Variants in TPD52 observed in about 807,000 individuals in gnomAD.
TPD52 encodes the protein tumor protein D52.
In TPD52, 17 loss-of-function variants were observed where a neutral mutation model predicts 31.3. The ratio of observed to expected loss-of-function variants is 0.54; its 90% CI spans 0.37 to 0.82. The LOEUF (loss-of-function observed/expected upper bound fraction) is 0.82, where lower values mean the gene tolerates loss of function less well. Among genes scored for constraint, TPD52 ranks in the 40% least tolerant of loss-of-function variants. The pLI is 0.00. For missense variants in TPD52, 212 were observed against 240.1 expected, an observed-to-expected ratio of 0.88 and a Z score of 0.77; for synonymous variants, 83 against 89.6, an observed-to-expected ratio of 0.93 and a Z score of 0.42.
chr8:80,057,189 A>T (rs1276363749), intron 2 of TPD52, among the ~76,000 whole-genome samples: 2 of 152,138 alleles, frequency 1.3e-5, no homozygotes, highest in Admixed American at 1.3e-4. Flanking sequence ...AGCAACAATA[A>T]AAAGAAAACA....
chr8:80,160,735 G>A (rs1398271030), intron 1 of TPD52, among the ~76,000 whole-genome samples: 1 of 151,996 alleles, frequency 6.6e-6, no homozygotes, highest in Non-Finnish European at 1.5e-5. Flanking sequence ...CCTAGGCTCA[G>A]AATGCATTAG....
intron 1 of TPD52, among the ~76,000 whole-genome samples, chr8:80,072,233 G>A (rs1006948433): frequency 6.6e-6 from 1 of 152,088 alleles, no homozygotes; most frequent in Non-Finnish European, 1.5e-5. Context: ...TCCTGAACTC[G>A]GGAGGCAGAG....
intron 1 of TPD52, among the ~76,000 whole-genome samples, chr8:80,098,118 T>C (rs1188513366): frequency 6.6e-6 from 1 of 152,242 alleles, no homozygotes; most frequent in Non-Finnish European, 1.5e-5. Flanking sequence ...TAAAGATTTC[T>C]TTTCCAAATA....
Position 80,167,194 on chromosome 8 carries a change from C to T in TPD52, c.19+4231G>A, listed in dbSNP as rs1811772236. Among the ~76,000 whole-genome samples, 5 of 152,176 alleles carry T rather than the reference C, an allele frequency of 3.3e-5. No individual in the cohort carries two copies. In the South Asian group the frequency reaches 1.0e-3, roughly 32 times the overall value. ...AATTATGGTTTCAGTACAGCTGGTA[C>T]CCACTAGTTTAAATAAAATTTGGGA... On this transcript the variant is annotated intron_variant, in intron 1 of 7. Transcript: ENST00000518937.
At chr8:80,057,786 ATG>A (rs1812061114) in intron 2 of TPD52, among the ~76,000 whole-genome samples, 1 of 152,192 alleles carries the variant, frequency 6.6e-6, no homozygotes, top group South Asian at 2.1e-4. Context: ...AAACCCGCAC[ATG>A]TACCCCCTGA....
intron 1 of TPD52, among the ~76,000 whole-genome samples, chr8:80,152,700 G>C (rs1436999972): frequency 1.3e-5 from 2 of 151,490 alleles, no homozygotes; most frequent in African/African-American, 4.9e-5. Flanking sequence ...AGAATCACTT[G>C]AATCTTGGGG....
intron 2 of TPD52, among the ~76,000 whole-genome samples, chr8:80,053,685 C>G (rs990252279): frequency 2.6e-5 from 4 of 152,062 alleles, no homozygotes; most frequent in African/African-American, 9.7e-5. Context: ...TCCTCTCTCC[C>G]TATACTTCCT....
chr8:80,082,495 T>C (rs938431842), intron 1 of TPD52, among the ~76,000 whole-genome samples: 1 of 152,312 alleles, frequency 6.6e-6, no homozygotes, highest in Admixed American at 6.5e-5. Context: ...ACGGATAGAA[T>C]GCAAGCCACA....
intron 1 of TPD52, among the ~76,000 whole-genome samples, chr8:80,101,980 G>C (rs1363798683): frequency 6.6e-6 from 1 of 152,206 alleles, no homozygotes; most frequent in Non-Finnish European, 1.5e-5. Context: ...GAGAAAGAGA[G>C]TGCATGCAAC....
At chr8:80,109,336 T>A (rs146128178) in intron 1 of TPD52, among the ~76,000 whole-genome samples, 44 of 152,336 alleles carry the variant, frequency 2.9e-4, no homozygotes, top group African/African-American at 9.1e-4. Flanking sequence ...CTATTCTTAC[T>A]GCACTTACAT....
chr8:80,057,580 T>C (rs1054677306), intron 2 of TPD52, among the ~76,000 whole-genome samples: 5 of 152,104 alleles, frequency 3.3e-5, no homozygotes, highest in African/African-American at 9.7e-5. Context: ...GAAAACCAAA[T>C]ACCACATGTT....
downstream of TPD52, among the ~76,000 whole-genome samples, chr8:80,032,019 G>A (rs911051808): frequency 6.6e-6 from 1 of 152,052 alleles, no homozygotes; most frequent in African/African-American, 2.4e-5. Context: ...TGGGCGTGAT[G>A]ACACATGGCT....
At chr8:80,137,830 TG>T (rs1809542554) in intron 1 of TPD52, among the ~76,000 whole-genome samples, 1 of 152,142 alleles carries the variant, frequency 6.6e-6, no homozygotes, top group Non-Finnish European at 1.5e-5. Flanking sequence ...TCCAGCACTT[TG>T]GGAGGCCAAG....
chr8:80,074,792 G>A (rs1037819004), intron 1 of TPD52, among the ~76,000 whole-genome samples: 3 of 152,140 alleles, frequency 2.0e-5, no homozygotes, highest in Admixed American at 2.0e-4. Flanking sequence ...GACAACTTTA[G>A]ATTCTTAAGG....
At chr8:80,105,719 C>G (rs1193758881) in intron 1 of TPD52, among the ~76,000 whole-genome samples, 1 of 146,202 alleles carries the variant, frequency 6.8e-6, no homozygotes, top group Non-Finnish European at 1.5e-5. Flanking sequence ...TTACACCCAT[C>G]CCAGGTCTGC....
intron 1 of TPD52, among the ~76,000 whole-genome samples, chr8:80,136,568 A>G (rs1171952251): frequency 6.6e-6 from 1 of 150,628 alleles, no homozygotes. Context: ...AGTGCTCACC[A>G]TTAGAACATG....
At chr8:80,129,035 A>G (rs1030147920) in intron 1 of TPD52, among the ~76,000 whole-genome samples, 1 of 152,282 alleles carries the variant, frequency 6.6e-6, no homozygotes, top group East Asian at 1.9e-4. Flanking sequence ...TAACTTGAAG[A>G]TAAATTTTGA....
intron 7 of TPD52, 54 bp downstream of exon 7, chr8:80,042,566 T>C: frequency 6.4e-7 from 1 of 1,566,440 alleles, no homozygotes; most frequent in South Asian, 1.2e-5. Context: ...ACAGCAAAGT[T>C]AATTAAGACA....
intron 1 of TPD52, among the ~76,000 whole-genome samples, chr8:80,071,745 A>G (rs185329915): frequency 6.6e-6 from 1 of 151,618 alleles, no homozygotes; most frequent in Non-Finnish European, 1.5e-5. Context: ...TTAGATTCCT[A>G]CCCCTAAGCT....
Sources: allele counts gnomAD v4.1 joint callset (sites outside exome capture counted in the v4.1 genomes callset), GRCh38; gene constraint gnomAD v4.1.1; transcripts MANE v1.5; gene names NCBI Gene and HGNC (gene_info 2026-07-23, HGNC 2026-07-21).